The following CREB3L4 variants were observed in gnomAD, a reference collection of about 807,000 sequenced individuals.
CREB3L4 encodes cAMP responsive element binding protein 3 like 4.
In CREB3L4, 28 loss-of-function variants were observed where a neutral mutation model predicts 37.0. The ratio of observed to expected loss-of-function variants is 0.76; its 90% confidence interval spans 0.56 to 1.04. CREB3L4 has a LOEUF of 1.04. CREB3L4 is among the 50% of genes least tolerant of loss of function. The pLI is 0.00. For synonymous variants in CREB3L4, 175 were observed against 192.2 expected, an observed-to-expected ratio of 0.91 and a Z score of 0.74; for missense variants, 462 against 486.0, an observed-to-expected ratio of 0.95 and a Z score of 0.46.
At position 153,973,620 on chromosome 1, in the gene CREB3L4, A is replaced by AT; in HGVS notation, c.900dup (p.Leu301SerfsTer25). On this transcript the variant is annotated frameshift_variant and splice_region_variant, in exon 9 of 10. Transcript: ENST00000368607. LOFTEE classifies it high-confidence loss of function. ...ATCTGTTCCTCTTGCTTCCTCCCAG[A>AT]TTCTTCTTTTTTCCCTGGCTCTCAT... 2.5e-6 allele frequency: 4 copies of AT among 1,611,406 alleles called. No homozygotes were observed. Among genetic ancestry groups the AT allele is most frequent in the Non-Finnish European group, 3.4e-6 (4 of 1,178,648 alleles).
Position 153,973,458 on chromosome 1 carries a change from T to G in CREB3L4, c.891T>G (p.Cys297Trp). 1 of 1,613,882 alleles carries G rather than the reference T, an allele frequency of 6.2e-7. No homozygotes were observed. Among genetic ancestry groups the G allele is most frequent in the Non-Finnish European group, 8.5e-7 (1 of 1,179,826 alleles). ...TSNKAAQTST[C>W]VLILLFSLAL... ...ACAAAGCTGCCCAGACCAGCACTTG[T>G]GTTTTGGTACCATTAGTCTATCTAC... The change falls in exon 8 of 10, where the codon TGT becomes TGG. Residue 297 changes from cysteine (C) to tryptophan (W), a missense_variant. By Grantham distance (215) the Cys-to-Trp change is radical. Coordinates refer to ENST00000368607, the MANE Select transcript of CREB3L4 (RefSeq NM_001255978.2).
chr1:153,968,267 C>A, intron 1 of CREB3L4, 103 bp downstream of exon 1: 1 of 373,176 alleles, frequency 2.7e-6, no homozygotes, highest in East Asian at 4.7e-5. Context: ...TTGGGGAGGT[C>A]AACGGGCTAT....
intron 4 of CREB3L4, among the ~76,000 whole-genome samples, chr1:153,972,140 A>G (rs1006951826): frequency 2.6e-5 from 4 of 152,190 alleles, no homozygotes; most frequent in Non-Finnish European, 1.5e-5. Flanking sequence ...TCTTTCAAAA[A>G]GAAATACTAG....
At chr1:153,967,517 G>A (rs895508997), upstream of CREB3L4, 3 of 152,222 alleles carry the variant, frequency 2.0e-5, no homozygotes, top group African/African-American at 7.2e-5. Context: ...CGGACGCAGT[G>A]GCTCGCGCCT....
In CREB3L4 at chr1:153,973,626, CTTT is replaced by C. The variant is rs751526004; in HGVS notation, c.908_910del (p.Phe303del). 2 of 1,611,876 alleles carry C rather than the reference CTTT, an allele frequency of 1.2e-6. No homozygotes were observed. Among genetic ancestry groups the C allele is most frequent in the Middle Eastern group, 1.7e-4 (1 of 6,060 alleles). ...TCCTCTTGCTTCCTCCCAGATTCTTCTTTTTTCCCTGGCTCTCATCATCCTGCC... is the reference window on the plus strand; with the variant it reads ...TCCTCTTGCTTCCTCCCAGATTCTTCTTTCCCTGGCTCTCATCATCCTGCC... On this transcript the variant is annotated inframe_deletion, in exon 9 of 10. Coordinates refer to ENST00000368607, the MANE Select transcript of CREB3L4 (RefSeq NM_001255978.2).
In CREB3L4 at chr1:153,969,062, G is replaced by T. The variant is rs776305491; in HGVS notation, c.307G>T (p.Ala103Ser). 3.7e-6 allele frequency: 6 copies of T among 1,614,152 alleles called. No individual in the cohort carries two copies. Among genetic ancestry groups the T allele is most frequent in the Non-Finnish European group, 5.1e-6 (6 of 1,180,012 alleles). Residue 103 changes from alanine (A) to serine (S), a missense_variant, in exon 3 of 10, where the codon GCC becomes TCC. Coordinates refer to ENST00000368607, the MANE Select transcript of CREB3L4 (RefSeq NM_001255978.2). Reference sequence around the variant, plus strand: ...CCCCTGCCATCCAGACAGTCCCCCTGCCCCCAGGGCAACCAGTTCTCCTAT... The same window carrying T: ...CCCCTGCCATCCAGACAGTCCCCCTTCCCCCAGGGCAACCAGTTCTCCTAT... ...EDPCHPDSPP[A>S]PRATSSPMLY... is the part of the protein sequence containing the mutation.
In CREB3L4 at chr1:153,969,077, A is replaced by C; in HGVS notation, c.322A>C (p.Ser108Arg). ...PDSPPAPRAT[S>R]SPMLYEVVYE... is the part of the protein sequence containing the mutation. ...CAGTCCCCCTGCCCCCAGGGCAACC[A>C]GTTCTCCTATGCTCTATGAGGTTGT... Residue 108 changes from serine (S) to arginine (R), a missense_variant, in exon 3 of 10, where the codon AGT (serine) becomes CGT (arginine). Coordinates refer to ENST00000368607, the MANE Select transcript of CREB3L4 (RefSeq NM_001255978.2). The C allele has an allele frequency of 6.2e-7, 1 of 1,614,160 alleles. No individual in the cohort carries two copies. Among genetic ancestry groups the C allele is most frequent in the Non-Finnish European group, 8.5e-7 (1 of 1,180,022 alleles).
chr1:153,973,483 C>T lies in CREB3L4; in HGVS notation c.897+19C>T. 6.2e-7 allele frequency: 1 copy of T among 1,605,326 alleles called. No individual in the cohort carries two copies. Among genetic ancestry groups the T allele is most frequent in the Non-Finnish European group, 8.5e-7 (1 of 1,171,956 alleles). The stretch of plus-strand genomic sequence containing the variant: ...TGTTTTGGTACCATTAGTCTATCTA[C>T]TCCCATCTCCCCCCACACTTCTATC... On this transcript the variant is annotated intron_variant, in intron 8 of 9. Transcript: ENST00000368607.
intron 4 of CREB3L4, among the ~76,000 whole-genome samples, chr1:153,972,064 C>A (rs1184381162): frequency 6.6e-6 from 1 of 152,208 alleles, no homozygotes; most frequent in Admixed American, 6.5e-5. Context: ...CTCAGGTGAT[C>A]TGCCCACCTT....
chr1:153,968,474 GC>G, intron 1 of CREB3L4, 47 bp from the exon 2 acceptor site: 1 of 1,568,144 alleles, frequency 6.4e-7, no homozygotes, highest in Non-Finnish European at 8.7e-7. Flanking sequence ...GTAGTAAGCA[GC>G]CATCATTCCG....
In CREB3L4 at chr1:153,973,215, A is replaced by G. The variant is rs1213158344; in HGVS notation, c.764A>G (p.Gln255Arg). ...LESRVAACSA[Q>R]NQELQKKVQE... ...TCTAGGGTGGCAGCCTGTTCTGCAC[A>G]GAACCAAGAATTACAGAAAAAAGTC... Residue 255 changes from glutamine (Q) to arginine (R), a missense_variant, in exon 7 of 10, where the codon CAG (glutamine) becomes CGG (arginine). Coordinates refer to ENST00000368607, the MANE Select transcript of CREB3L4 (RefSeq NM_001255978.2). 6.2e-7 allele frequency: 1 copy of G among 1,614,146 alleles called. No individual in the cohort carries two copies. Among genetic ancestry groups the G allele is most frequent in the Non-Finnish European group, 8.5e-7 (1 of 1,180,024 alleles).
Position 153,968,710 on chromosome 1 carries a change from CGAGTGG to C in CREB3L4, c.174+19_174+24del, listed in dbSNP as rs754793116. ...GGGGACCGTGGCTGTGTGAGTGTGA[CGAGTGG>C]GAGTGGGGGTGGGGTTGAGACACAA... On this transcript the variant is annotated intron_variant, in intron 2 of 9. Transcript: ENST00000368607. 27 of 1,612,884 alleles carry C rather than the reference CGAGTGG, an allele frequency of 1.7e-5. No homozygotes were observed. The highest frequency in any genetic ancestry group is 4.5e-5 in the East Asian group (2 of 44,842).
At chr1:153,967,783 T>A (rs968287048), upstream of CREB3L4, 1 of 152,240 alleles carries the variant, frequency 6.6e-6, no homozygotes, top group African/African-American at 2.4e-5. Flanking sequence ...ATTGGCTCGA[T>A]GTCCTGCCCC....
At chr1:153,971,135 C>T (rs774023095) in intron 4 of CREB3L4, among the ~76,000 whole-genome samples, 24 of 148,704 alleles carry the variant, frequency 1.6e-4, no homozygotes, top group Non-Finnish European at 2.7e-4. Flanking sequence ...TTTGGGAGGC[C>T]AAGGTGGGCG....
At position 153,973,343 on chromosome 1, in the gene CREB3L4, C is replaced by T. The variant is rs201383009; in HGVS notation, c.813-37C>T. On this transcript the variant is annotated intron_variant, in intron 7 of 9. Transcript: ENST00000368607. ...GGGGTGCCATTCTTGGCCCCTGGTACCCAGATGATACTAACTCTTCATTCC... is the reference window on the plus strand; with the variant it reads ...GGGGTGCCATTCTTGGCCCCTGGTATCCAGATGATACTAACTCTTCATTCC... 140 of 1,611,676 alleles carry T rather than the reference C, an allele frequency of 8.7e-5. No homozygotes were observed. In the East Asian group the frequency reaches 1.0e-3, roughly 12 times the overall value.
chr1:153,970,171 C>T (rs1371267727), intron 4 of CREB3L4, among the ~76,000 whole-genome samples: 3 of 152,066 alleles, frequency 2.0e-5, no homozygotes, highest in Non-Finnish European at 4.4e-5. Flanking sequence ...TTGTGATCCG[C>T]CTGCCTCTGC....
At chr1:153,971,818 A>G (rs1196832310) in intron 4 of CREB3L4, among the ~76,000 whole-genome samples, 2 of 151,986 alleles carry the variant, frequency 1.3e-5, no homozygotes, top group Non-Finnish European at 2.9e-5. Flanking sequence ...CACAAAATGA[A>G]GCATACATCT....
In CREB3L4 at chr1:153,973,879, C is replaced by T. The variant is rs1452647971; in HGVS notation, c.1002C>T (p.Ser334=). 3 of 1,613,852 alleles carry T rather than the reference C, an allele frequency of 1.9e-6. No individual in the cohort carries two copies. Among genetic ancestry groups the T allele is most frequent in the Non-Finnish European group, 2.5e-6 (3 of 1,179,924 alleles). Residue 334 remains serine (S), a synonymous_variant, in exon 10 of 10, where the codon TCC becomes TCT. Transcript: ENST00000368607. The part of the protein sequence containing the change: ...SEDYQPHGVT[S]RNILTHKDVT... ...CTTGCCTTCACCTCACAGTGACTTC[C>T]AGAAATATCCTGACCCACAAGGACG...
chr1:153,968,966 C>G lies in CREB3L4; in HGVS notation c.211C>G (p.Leu71Val), dbSNP rs368362471. The G allele has an allele frequency of 1.2e-6, 2 of 1,613,402 alleles. No individual in the cohort carries two copies. The highest frequency in any genetic ancestry group is 1.7e-5 in the Admixed American group (1 of 59,888). ...GAGTGAGCCTGAAGATTTCTTGAAGCTTTTCATTGATCCCAATGAGGTGTA... is the reference window on the plus strand; with the variant it reads ...GAGTGAGCCTGAAGATTTCTTGAAGGTTTTCATTGATCCCAATGAGGTGTA... Reference protein sequence around the residue: ...QESEPEDFLKLFIDPNEVYCS... With the variant: ...QESEPEDFLKVFIDPNEVYCS... Residue 71 changes from leucine (L) to valine (V), a missense_variant, in exon 3 of 10, where the codon CTT (leucine) becomes GTT (valine). Physicochemically the swap from Leu to Val is conservative, Grantham distance 32. Transcript: ENST00000368607.
Sources: allele counts gnomAD v4.1 joint callset (sites outside exome capture counted in the v4.1 genomes callset), GRCh38; gene constraint gnomAD v4.1.1; transcripts MANE v1.5; gene names NCBI Gene and HGNC (gene_info 2026-07-23, HGNC 2026-07-21).